Variants in CREB5 observed in about 807,000 individuals in gnomAD.
The protein encoded by CREB5 is cyclic AMP-responsive element-binding protein 5.
In CREB5, 19 loss-of-function variants were observed where a neutral mutation model predicts 57.1. The observed-to-expected ratio is 0.33, with a 90% CI of 0.23 to 0.49. CREB5 has a LOEUF of 0.49. Among genes scored for constraint, CREB5 ranks in the 20% least tolerant of loss-of-function variants. The probability of loss-of-function intolerance (pLI) is 0.99; values close to 1 mark genes in which losing one functional copy is unlikely to be tolerated. For missense variants in CREB5, 579 were observed against 671.6 expected, an observed-to-expected ratio of 0.86 and a Z score of 1.52; for synonymous variants, 238 against 238.3, an observed-to-expected ratio of 1.00 and a Z score of 0.01.
intron 4 of CREB5, among the ~76,000 whole-genome samples, chr7:28,560,920 G>GCA (rs1795180506): frequency 1.2e-5 from 1 of 85,772 alleles, no homozygotes; most frequent in African/African-American, 6.1e-5. Context: ...GTGTGCGTGT[G>GCA]TGCGCGTGCG....
intron 1 of CREB5, among the ~76,000 whole-genome samples, chr7:28,428,005 G>A (rs1788573782): frequency 6.6e-6 from 1 of 152,194 alleles, no homozygotes; most frequent in East Asian, 1.9e-4. Flanking sequence ...TAAAGCCAGG[G>A]AAGTGGATCA....
chr7:28,560,931 T>TGCGCGCGC (rs1467935536), intron 4 of CREB5, among the ~76,000 whole-genome samples: 1 of 48,532 alleles, frequency 2.1e-5, no homozygotes, highest in Non-Finnish European at 3.8e-5. Context: ...TGCGCGTGCG[T>TGCGCGCGC]GTGTGCGTGC....
intron 1 of CREB5, among the ~76,000 whole-genome samples, chr7:28,324,486 C>T (rs1785547479): frequency 6.6e-6 from 1 of 152,154 alleles, no homozygotes; most frequent in Admixed American, 6.5e-5. Context: ...TCTTGACTTT[C>T]ATGATGCCAC....
intron 1 of CREB5, among the ~76,000 whole-genome samples, chr7:28,417,838 T>A (rs1260411226): frequency 6.6e-6 from 1 of 152,234 alleles, no homozygotes; most frequent in Non-Finnish European, 1.5e-5. Flanking sequence ...TGATAAAGAT[T>A]AAAATTTACA....
At chr7:28,486,126 A>C (rs998725017) in intron 1 of CREB5, among the ~76,000 whole-genome samples, 8 of 152,172 alleles carry the variant, frequency 5.3e-5, no homozygotes, top group Non-Finnish European at 7.3e-5. Context: ...CGCTCTGTGA[A>C]AGCTGGATAA....
intron 4 of CREB5, among the ~76,000 whole-genome samples, chr7:28,516,033 C>G (rs930541752): frequency 6.6e-6 from 1 of 151,726 alleles, no homozygotes; most frequent in Non-Finnish European, 1.5e-5. Flanking sequence ...CATAATGAGA[C>G]CTCTTCTGTA....
In CREB5 at chr7:28,341,593, G is replaced by T. The variant is rs780508275; in HGVS notation, c.-25+42152G>T. Reference sequence around the variant, plus strand: ...TGTATCGGCTTTCATCTTGGCTCATGTAGGAAGGGGTTTGCACTTTATTTT... The same window carrying T: ...TGTATCGGCTTTCATCTTGGCTCATTTAGGAAGGGGTTTGCACTTTATTTT... On this transcript the variant is annotated intron_variant, in intron 1 of 9. Transcript: ENST00000396299. Among the ~76,000 whole-genome samples, 58 of 152,288 alleles carry T rather than the reference G, an allele frequency of 3.8e-4. No homozygotes were observed. The Middle Eastern group carries it at 0.01, about 27-fold the overall frequency.
At chr7:28,673,675 T>C (rs1317595686) in intron 5 of CREB5, among the ~76,000 whole-genome samples, 2 of 138,562 alleles carry the variant, frequency 1.4e-5, no homozygotes, top group East Asian at 4.2e-4. Flanking sequence ...TTTTTTTTTT[T>C]TTTTTTTTTT....
At chr7:28,418,019 C>T (rs1788092278) in intron 1 of CREB5, among the ~76,000 whole-genome samples, 1 of 152,180 alleles carries the variant, frequency 6.6e-6, no homozygotes, top group South Asian at 2.1e-4. Context: ...AGGATTCTCA[C>T]ATTTCAGTTA....
intron 7 of CREB5, among the ~76,000 whole-genome samples, chr7:28,763,359 T>C (rs1362448311): frequency 6.6e-6 from 1 of 152,206 alleles, no homozygotes; most frequent in African/African-American, 2.4e-5. Flanking sequence ...AGAGTCCTCC[T>C]TTCTTTCTGT....
At chr7:28,623,451 T>C (rs1003331444) in intron 5 of CREB5, among the ~76,000 whole-genome samples, 1 of 152,224 alleles carries the variant, frequency 6.6e-6, no homozygotes, top group African/African-American at 2.4e-5. Flanking sequence ...GAAATGCCGC[T>C]TCTCTGTTTG....
intron 1 of CREB5, among the ~76,000 whole-genome samples, chr7:28,322,912 A>G (rs1021389802): frequency 6.6e-6 from 1 of 151,952 alleles, no homozygotes; most frequent in Non-Finnish European, 1.5e-5. Context: ...GTCCCCTCCA[A>G]TGATCATTTT....
chr7:28,373,178 G>C (rs1786748915), intron 1 of CREB5, among the ~76,000 whole-genome samples: 1 of 152,186 alleles, frequency 6.6e-6, no homozygotes. Context: ...TCAGACTTGT[G>C]ATGTCCCTCC....
In CREB5 at chr7:28,570,512, G is replaced by A. The variant is rs1217739953; in HGVS notation, c.439G>A (p.Ala147Thr). Residue 147 changes from alanine (A) to threonine (T), a missense_variant, in exon 5 of 11, where the codon GCA becomes ACA. By Grantham distance (58) the Ala-to-Thr change is moderately conservative. This residue lies in a region of CREB5 where 459 missense variants were observed against 515.7 expected (regional missense o/e 0.89). Coordinates refer to ENST00000357727, the MANE Select transcript of CREB5 (RefSeq NM_182898.4). The part of the protein sequence containing the change: ...SPQSSSVITQ[A>T]PSTNRQIGPV... Reference sequence around the variant, plus strand: ...TCAGTCCAGCTCTGTCATCACTCAGGCACCTTCCACCAACCGCCAGATCGG... The same window carrying A: ...TCAGTCCAGCTCTGTCATCACTCAGACACCTTCCACCAACCGCCAGATCGG... 2 of 1,613,938 alleles carry A rather than the reference G, an allele frequency of 1.2e-6. No individual in the cohort carries two copies. Among genetic ancestry groups the A allele is most frequent in the South Asian group, 2.2e-5 (2 of 91,032 alleles).
At chr7:28,522,946 T>A (rs745600331) in intron 4 of CREB5, among the ~76,000 whole-genome samples, 1 of 152,182 alleles carries the variant, frequency 6.6e-6, no homozygotes, top group Non-Finnish European at 1.5e-5. Context: ...AATCCTCTCA[T>A]CTCCAGAGTT....
In CREB5 at chr7:28,818,173, T is replaced by C; in HGVS notation, c.1357T>C (p.Tyr453His). 6.2e-7 allele frequency: 1 copy of C among 1,609,766 alleles called. No individual in the cohort carries two copies. The highest frequency in any genetic ancestry group is 1.3e-5 in the African/African-American group (1 of 74,846). The change falls in exon 10 of 11, where the codon TAT (tyrosine) becomes CAT (histidine). Residue 453 changes from tyrosine (Y) to histidine (H), a missense_variant. Transcript: ENST00000357727. Reference protein sequence around the residue: ...ITAMQKESQGYLSPESSPPAS... With the variant: ...ITAMQKESQGHLSPESSPPAS... ...AGCCATGCAGAAAGAATCACAAGGA[T>C]ATCTAAGTAAGTCGCCGACTTTTTC...
chr7:28,524,355 A>ACC (rs1166412841), intron 4 of CREB5, among the ~76,000 whole-genome samples: 2 of 145,412 alleles, frequency 1.4e-5, no homozygotes, highest in East Asian at 4.0e-4. Context: ...ACACACACAC[A>ACC]CACACGGCAG....
At chr7:28,552,685 A>G (rs1277142064) in intron 4 of CREB5, among the ~76,000 whole-genome samples, 1 of 152,144 alleles carries the variant, frequency 6.6e-6, no homozygotes, top group Non-Finnish European at 1.5e-5. Flanking sequence ...GGTTCATGCT[A>G]CCTGGCTTCA....
intron 1 of CREB5, among the ~76,000 whole-genome samples, chr7:28,321,057 T>C (rs1160488890): frequency 6.6e-6 from 1 of 152,194 alleles, no homozygotes; most frequent in South Asian, 2.1e-4. Flanking sequence ...TGCTCTCTCC[T>C]CATCTGTACA....
Sources: gnomAD v4.1 joint callset for allele counts (sites outside exome capture counted in the v4.1 genomes callset) on GRCh38, gnomAD v4.1.1 for gene constraint, gnomAD v4.1.1 regional missense constraint, MANE v1.5 for transcripts, NCBI Gene and HGNC (gene_info 2026-07-23, HGNC 2026-07-21) for gene names.